The following CPA6 variants were observed in gnomAD, a reference collection of about 807,000 sequenced individuals.
CPA6 encodes carboxypeptidase B.
Under a neutral mutation model 63.3 loss-of-function variants are expected in CPA6, and 58 were observed. The ratio of observed to expected loss-of-function variants is 0.92; its 90% CI spans 0.74 to 1.14. CPA6 has a LOEUF of 1.14. Ranked by LOEUF, CPA6 falls within the 50% of genes most tolerant of loss-of-function variation. CPA6 has a pLI of 0.00. For synonymous variants in CPA6, 185 were observed against 179.0 expected (o/e 1.03, Z -0.27); for missense variants, 565 against 526.6 (o/e 1.07, Z -0.71).
At chr8:67,723,692 C>T (rs975970360) in intron 1 of CPA6, among the ~76,000 whole-genome samples, 11 of 152,258 alleles carry the variant, frequency 7.2e-5, no homozygotes, top group African/African-American at 2.2e-4. Context: ...TGCATATTCT[C>T]TTCTGTAAAT....
At chr8:67,683,423 C>T (rs752738987) in intron 1 of CPA6, among the ~76,000 whole-genome samples, 1 of 152,150 alleles carries the variant, frequency 6.6e-6, no homozygotes, top group Non-Finnish European at 1.5e-5. Context: ...AATTCATCTT[C>T]TCTAATTTAG....
chr8:67,454,409 T>C (rs1298342012), intron 8 of CPA6, among the ~76,000 whole-genome samples: 1 of 152,112 alleles, frequency 6.6e-6, no homozygotes, highest in African/African-American at 2.4e-5. Flanking sequence ...GATGAGAAAA[T>C]GTCTGCAGTA....
intron 1 of CPA6, among the ~76,000 whole-genome samples, chr8:67,716,151 C>CAAAAAAAAAAAAAAAAAA (rs56275918): frequency 1.3e-5 from 1 of 76,548 alleles, no homozygotes; most frequent in Non-Finnish European, 2.3e-5. Context: ...GAGCTTGTCT[C>CAAAAAAAAAAAAAAAAAA]AAAAAAAAAA....
chr8:67,654,020 T>A (rs1417285193), intron 1 of CPA6, among the ~76,000 whole-genome samples: 3 of 152,086 alleles, frequency 2.0e-5, no homozygotes, highest in Non-Finnish European at 2.9e-5. Flanking sequence ...TTGTCTTTGG[T>A]TCTGTTTATA....
intron 8 of CPA6, chr8:67,452,629 G>C (rs920463959): frequency 6.6e-6 from 1 of 152,230 alleles, no homozygotes; most frequent in African/African-American, 2.4e-5. Flanking sequence ...GCCTTGTAGA[G>C]AGCTTCCATT....
At chr8:67,449,844 CTCTAT>C (rs1445083619) in intron 8 of CPA6, among the ~76,000 whole-genome samples, 3 of 128,414 alleles carry the variant, frequency 2.3e-5, no homozygotes, top group Non-Finnish European at 4.8e-5. Flanking sequence ...CAGAGTCTTG[CTCTAT>C]CCCCCAGGCT....
At chr8:67,481,673 G>T (rs190067183) in intron 8 of CPA6, among the ~76,000 whole-genome samples, 1 of 152,162 alleles carries the variant, frequency 6.6e-6, no homozygotes, top group Non-Finnish European at 1.5e-5. Context: ...GCATTTCTAC[G>T]TCATTTATGC....
At chr8:67,433,534 A>G (rs1308560316) in intron 9 of CPA6, among the ~76,000 whole-genome samples, 1 of 152,226 alleles carries the variant, frequency 6.6e-6, no homozygotes, top group Non-Finnish European at 1.5e-5. Context: ...AGCAAATAGC[A>G]CTTATAAATT....
intron 1 of CPA6, among the ~76,000 whole-genome samples, chr8:67,656,937 G>A (rs1227071201): frequency 6.6e-6 from 1 of 152,152 alleles, no homozygotes; most frequent in Admixed American, 6.6e-5. Context: ...TCACTTGGGG[G>A]AGCTGAGGCA....
At chr8:67,656,858 T>A (rs1408114580) in intron 1 of CPA6, among the ~76,000 whole-genome samples, 2 of 152,168 alleles carry the variant, frequency 1.3e-5, no homozygotes, top group African/African-American at 4.8e-5. Context: ...GCCAAATGGA[T>A]GTGTCACTGG....
At chr8:67,720,811 C>A (rs1180652211) in intron 1 of CPA6, among the ~76,000 whole-genome samples, 2 of 152,142 alleles carry the variant, frequency 1.3e-5, no homozygotes, top group Non-Finnish European at 2.9e-5. Context: ...TGCTCCAGAG[C>A]CTCTTCACCT....
chr8:67,624,405 CT>C (rs1334884804), intron 1 of CPA6, among the ~76,000 whole-genome samples, 154 bp from the exon 2 acceptor site: 2 of 152,242 alleles, frequency 1.3e-5, no homozygotes, highest in Non-Finnish European at 2.9e-5. Context: ...AATTTATTCT[CT>C]GATTGCATTG....
intron 8 of CPA6, chr8:67,483,236 C>G (rs949460817): frequency 2.0e-5 from 3 of 152,520 alleles, no homozygotes; most frequent in African/African-American, 7.2e-5. Context: ...GGTTTCCTTC[C>G]TTAAAATGAC....
At chr8:67,694,209 C>T (rs1179506692) in intron 1 of CPA6, among the ~76,000 whole-genome samples, 7 of 151,982 alleles carry the variant, frequency 4.6e-5, no homozygotes, top group Non-Finnish European at 8.8e-5. Flanking sequence ...TGTGATGCAG[C>T]AGATCCAATG....
chr8:67,724,726 A>G (rs1587730585), intron 1 of CPA6, among the ~76,000 whole-genome samples: 1 of 152,326 alleles, frequency 6.6e-6, no homozygotes. Context: ...CCTTAAAACC[A>G]CACAATTAAA....
chr8:67,475,788 T>TCCTTTCTTTCTTTC (rs11413636), intron 8 of CPA6, among the ~76,000 whole-genome samples: 34 of 51,826 alleles, frequency 6.6e-4, no homozygotes, highest in South Asian at 1.7e-3. Context: ...TTTCTTTCTT[T>TCCTTTCTTTCTTTC]CTTTCTTTCT....
chr8:67,475,873 T>TC (rs1811202691), intron 8 of CPA6, among the ~76,000 whole-genome samples: 1 of 88,614 alleles, frequency 1.1e-5, no homozygotes, highest in African/African-American at 4.6e-5. Flanking sequence ...CTTTCTTTCT[T>TC]TCTTTCTCCT....
At chr8:67,708,378 C>T (rs1817183864) in intron 1 of CPA6, among the ~76,000 whole-genome samples, 1 of 152,192 alleles carries the variant, frequency 6.6e-6, no homozygotes, top group Admixed American at 6.5e-5. Context: ...CAATTGTATA[C>T]CTTTTATTAG....
chr8:67,690,104 C>T (rs116608700), intron 1 of CPA6, among the ~76,000 whole-genome samples: 401 of 152,060 alleles, frequency 2.6e-3, no homozygotes, highest in African/African-American at 9.3e-3. Context: ...TGTCTTTTGC[C>T]TACTTTTTAA....
Sources: allele counts gnomAD v4.1 joint callset (sites outside exome capture counted in the v4.1 genomes callset), GRCh38; gene constraint gnomAD v4.1.1; transcripts MANE v1.5; gene names NCBI Gene and HGNC (gene_info 2026-07-23, HGNC 2026-07-21).